The following PTBP3 variants were observed in gnomAD, a reference collection of about 807,000 sequenced individuals.
PTBP3 encodes polypyrimidine tract-binding protein 3.
PTBP3 carries 20 observed loss-of-function variants against 58.7 expected under a neutral mutation model. The observed-to-expected ratio is 0.34, with a 90% CI of 0.24 to 0.50. The LOEUF is 0.50. PTBP3 is among the 20% of genes least tolerant of loss of function. The probability of loss-of-function intolerance (pLI) is 0.98; values close to 1 mark genes in which losing one functional copy is unlikely to be tolerated. For synonymous variants in PTBP3, 185 were observed against 219.8 expected, an observed-to-expected ratio of 0.84 and a Z score of 1.40; for missense variants, 509 against 637.2, an observed-to-expected ratio of 0.80 and a Z score of 2.17.
At chr9:112,318,544 G>A (rs1357532157) in intron 1 of PTBP3, among the ~76,000 whole-genome samples, 1 of 152,112 alleles carries the variant, frequency 6.6e-6, no homozygotes, top group East Asian at 1.9e-4. Context: ...CAGATCACTT[G>A]AGGTCAGGAG....
chr9:112,325,599 T>TTAA (rs1554806946), intron 1 of PTBP3, among the ~76,000 whole-genome samples: 1 of 144,492 alleles, frequency 6.9e-6, no homozygotes, highest in South Asian at 2.2e-4. Flanking sequence ...TCACAGAAAT[T>TTAA]AAAAAAAAAA....
rs754423843 is a variant in PTBP3, at chr9:112,232,188, A to G, written c.931T>C (p.Ser311Pro). The G allele has an allele frequency of 1.4e-5, 22 of 1,612,098 alleles. No homozygotes were observed. The Admixed American group carries it at 2.3e-4, about 17-fold the overall frequency. The change falls in exon 9 of 14, where the codon TCT becomes CCT. Residue 311 changes from serine (S) to proline (P), a missense_variant. Ser to Pro is a moderately conservative substitution (Grantham distance 74). Coordinates refer to ENST00000374257, the MANE Select transcript of PTBP3 (RefSeq NM_001163788.4). ...PGALGPLTIT[S>P]SAVTGRMAIP... ...GCCATCCTTCCAGTGACAGCAGAAG[A>G]GGTGATTGTGAGAGGACCAAGAGCT... is the stretch of plus-strand genomic sequence containing the variant.
At chr9:112,354,411 A>G in the PTBP3 span, among the ~76,000 whole-genome samples, 17 of 152,236 alleles carry the variant, frequency 1.1e-4, no homozygotes, top group Non-Finnish European at 2.9e-5. Flanking sequence ...CAGTAGCAGA[A>G]AAACAAAACA....
At chr9:112,372,873 C>T in the PTBP3 span, among the ~76,000 whole-genome samples, 13 of 151,256 alleles carry the variant, frequency 8.6e-5, no homozygotes, top group East Asian at 2.1e-3. Context: ...TGAACATATA[C>T]GTACTTCCTT....
Position 112,220,393 on chromosome 9 carries a change from A to G in PTBP3, c.*3458T>C. 8.2e-7 allele frequency: 1 copy of G among 1,216,988 alleles called. No homozygotes were observed. Among genetic ancestry groups the G allele is most frequent in the Non-Finnish European group, 1.0e-6 (1 of 956,912 alleles). The allele number at this position is 1,216,988 out of a possible 1,614,324, so 75.4% of individuals were successfully genotyped here. A position where few individuals can be genotyped will look rare whatever the true frequency, so the allele number is the denominator to read the frequency against. ...AGACCCCTAAAAATAAAATAAAGTA[A>G]AATAAAAAGAAATTGAGCAGAGGCA... On this transcript the variant is annotated 3_prime_UTR_variant, in exon 14 of 14. Transcript: ENST00000374257.
intron 4 of PTBP3, among the ~76,000 whole-genome samples, chr9:112,265,427 C>T (rs553428654): frequency 8.1e-5 from 9 of 110,692 alleles, no homozygotes; most frequent in Admixed American, 1.2e-4. Context: ...CGCTTGAACC[C>T]GGCGGGCGGG....
chr9:112,345,543 T>C, the PTBP3 span, among the ~76,000 whole-genome samples: 1 of 151,620 alleles, frequency 6.6e-6, no homozygotes, highest in African/African-American at 2.4e-5. Flanking sequence ...GCCCAGCTAA[T>C]TTTTGTATTT....
chr9:112,378,039 A>C, the PTBP3 span, among the ~76,000 whole-genome samples: 2 of 152,220 alleles, frequency 1.3e-5, no homozygotes, highest in African/African-American at 4.8e-5. Context: ...TTCATGCTGC[A>C]GTCAGAAGTG....
chr9:112,333,025 T>C (rs1830441287), intron 1 of PTBP3: 1 of 1,272,424 alleles, frequency 7.9e-7, no homozygotes, highest in East Asian at 3.2e-5. Context: ...TCGCCCCACC[T>C]CGCCGGTAAA....
intron 2 of PTBP3, among the ~76,000 whole-genome samples, chr9:112,288,931 T>C (rs1010708117): frequency 1.3e-5 from 2 of 152,198 alleles, no homozygotes; most frequent in Non-Finnish European, 2.9e-5. Flanking sequence ...TCAGAGAAAC[T>C]AGTGTTTATT....
At chr9:112,325,001 T>C (rs1043231907) in intron 1 of PTBP3, among the ~76,000 whole-genome samples, 3 of 152,212 alleles carry the variant, frequency 2.0e-5, no homozygotes, top group Admixed American at 1.3e-4. Context: ...TAGTCATGGA[T>C]TGAATGAAAC....
intron 12 of PTBP3, among the ~76,000 whole-genome samples, chr9:112,225,816 G>A (rs532740888): frequency 6.6e-6 from 1 of 152,272 alleles, no homozygotes; most frequent in Non-Finnish European, 1.5e-5. Context: ...CAACACTTTG[G>A]GAGGCAGATT....
At chr9:112,342,729 A>AAAGAAGAAGAAGAAGAAGAAGAAGAAG in the PTBP3 span, among the ~76,000 whole-genome samples, 1,468 of 150,936 alleles carry the variant, frequency 9.7e-3, 17 homozygotes, top group South Asian at 0.05. Context: ...AAAGAAAAAC[A>AAAGAAGAAGAAGAAGAAGAAGAAGAAG]AAGAAGAAGA....
intron 6 of PTBP3, 159 bp downstream of exon 6, chr9:112,252,519 G>GAAA (rs5899995): frequency 0.045 from 24,274 of 543,550 alleles, 4 homozygotes; most frequent in South Asian, 0.062. Context: ...TTTTAGCTTA[G>GAAA]AAAAAAAAAA....
chr9:112,224,329 C>T, intron 12 of PTBP3, 119 bp from the exon 13 acceptor site: 1 of 585,296 alleles, frequency 1.7e-6, no homozygotes, highest in Non-Finnish European at 2.8e-6. Context: ...AGCCATATGA[C>T]AAAGACTTGA....
intron 1 of PTBP3, among the ~76,000 whole-genome samples, chr9:112,315,091 A>C (rs1366136498): frequency 6.6e-6 from 1 of 152,068 alleles, no homozygotes; most frequent in African/African-American, 2.4e-5. Flanking sequence ...TTGGCCTCCC[A>C]AAGTGCTGGG....
At chr9:112,276,447 C>T (rs1483880932) in intron 2 of PTBP3, among the ~76,000 whole-genome samples, 2 of 152,078 alleles carry the variant, frequency 1.3e-5, no homozygotes, top group African/African-American at 4.8e-5. Flanking sequence ...TGGTATTTAT[C>T]ACATCCTAAG....
chr9:112,231,269 G>T, intron 10 of PTBP3, 111 bp downstream of exon 10: 2 of 757,154 alleles, frequency 2.6e-6, no homozygotes, highest in Non-Finnish European at 4.0e-6. Flanking sequence ...TTTATCCTCA[G>T]TGTCAGCACA....
chr9:112,298,037 A>T, intron 1 of PTBP3, 121 bp from the exon 2 acceptor site: 1 of 736,838 alleles, frequency 1.4e-6, no homozygotes, highest in African/African-American at 1.8e-5. Flanking sequence ...TAAAGGGGGA[A>T]CTCCTCAAGA....
Sources: allele counts gnomAD v4.1 joint callset (sites outside exome capture counted in the v4.1 genomes callset), GRCh38; gene constraint gnomAD v4.1.1; transcripts MANE v1.5; gene names NCBI Gene and HGNC (gene_info 2026-07-23, HGNC 2026-07-21).